The following PSMA6 variants were observed in gnomAD, a reference collection of about 807,000 sequenced individuals.
PSMA6 encodes proteasome 20S subunit alpha 6.
For missense variants in PSMA6, 170 were observed against 294.8 expected (o/e 0.58, Z 3.10); for synonymous variants, 88 against 97.7 (o/e 0.90, Z 0.59).
At chr14:35,298,493 A>G (rs2051643347) in intron 1 of PSMA6, among the ~76,000 whole-genome samples, 1 of 151,966 alleles carries the variant, frequency 6.6e-6, no homozygotes, top group African/African-American at 2.4e-5. Flanking sequence ...CCATCTCAAA[A>G]AAAGAAAAAA....
chr14:35,282,185 A>G (rs2051372379), intron 1 of PSMA6, among the ~76,000 whole-genome samples: 1 of 152,206 alleles, frequency 6.6e-6, no homozygotes, highest in South Asian at 2.1e-4. Context: ...AATTGACAAT[A>G]ATGAAATTGG....
At chr14:35,292,233 C>T, upstream of PSMA6, 1 of 1,203,912 alleles carries the variant, frequency 8.3e-7, no homozygotes, top group South Asian at 2.0e-5. Flanking sequence ...ACTCAAGAGG[C>T]CTGCTTGGCG....
upstream of PSMA6, among the ~76,000 whole-genome samples, chr14:35,291,844 A>T (rs2051487310): frequency 6.6e-6 from 1 of 151,156 alleles, no homozygotes; most frequent in Non-Finnish European, 1.5e-5. Flanking sequence ...AAAAAAAAAA[A>T]AAAGACTAAA....
At chr14:35,278,751 T>C (rs187261885) in intron 1 of PSMA6, 1 of 1,529,854 alleles carries the variant, frequency 6.5e-7, no homozygotes, top group Non-Finnish European at 8.7e-7. Flanking sequence ...TTGCTTGAGA[T>C]GTACTATATT....
At chr14:35,295,838 A>G (rs1290890477) in intron 1 of PSMA6, among the ~76,000 whole-genome samples, 1 of 152,194 alleles carries the variant, frequency 6.6e-6, no homozygotes, top group Non-Finnish European at 1.5e-5. Flanking sequence ...CTAGCTTTGT[A>G]ATCTATTTTC....
rs1020839939 is a variant in PSMA6, at chr14:35,312,975, G to C, written c.504G>C (p.Ala168=). The change falls in exon 5 of 7, where the codon GCG becomes GCC. Residue 168 remains alanine (A), a synonymous_variant. Coordinates refer to ENST00000261479, the MANE Select transcript of PSMA6 (RefSeq NM_002791.3). ...GYYCGFKATA[A]GVKQTESTSF... The stretch of plus-strand genomic sequence containing the variant: ...ACTGTGGGTTTAAAGCCACTGCAGC[G>C]GGAGTTAAACAAACTGAGTCAACCA... 6.3e-7 allele frequency: 1 copy of C among 1,583,216 alleles called. No homozygotes were observed. Among genetic ancestry groups the C allele is most frequent in the East Asian group, 2.3e-5 (1 of 43,822 alleles).
intron 4 of PSMA6, among the ~76,000 whole-genome samples, chr14:35,312,572 G>T (rs993125882): frequency 6.6e-6 from 1 of 151,192 alleles, no homozygotes; most frequent in African/African-American, 2.4e-5. Flanking sequence ...CATCTTGAAG[G>T]ATTAGGGTTC....
At chr14:35,314,663 C>T in intron 6 of PSMA6, 1 of 461,684 alleles carries the variant, frequency 2.2e-6, no homozygotes, top group Non-Finnish European at 3.3e-6. Context: ...CTCCTTATTT[C>T]AGAGTGATTT....
At position 35,317,375 on chromosome 14, in the gene PSMA6, C is replaced by T; in HGVS notation, c.*69C>T. ...GTGTTTGGTAACAACAAACCAACAT[C>T]ATGGAGGTCCCTGGATTGAAAAAGG... On this transcript the variant is annotated 3_prime_UTR_variant, in exon 7 of 7. Coordinates refer to ENST00000261479, the MANE Select transcript of PSMA6 (RefSeq NM_002791.3). The T allele has an allele frequency of 7.3e-7, 1 of 1,371,122 alleles. No individual in the cohort carries two copies. The highest frequency in any genetic ancestry group is 1.0e-6 in the Non-Finnish European group (1 of 962,788). 84.9% of individuals were successfully genotyped at this position (1,371,122 alleles called of 1,614,324 possible).
At chr14:35,285,803 T>C (rs1463969106) in intron 1 of PSMA6, among the ~76,000 whole-genome samples, 3 of 152,190 alleles carry the variant, frequency 2.0e-5, no homozygotes, top group African/African-American at 4.8e-5. Context: ...CATGAAATAA[T>C]TGATCTTGCA....
chr14:35,292,310 G>A (rs2051496408), upstream of PSMA6: 2 of 1,445,836 alleles, frequency 1.4e-6, no homozygotes, highest in East Asian at 2.6e-5. Context: ...GGGCCTCAGA[G>A]CTCAGTGCTC....
intron 1 of PSMA6, among the ~76,000 whole-genome samples, chr14:35,301,866 C>T (rs148810765): frequency 1.7e-4 from 26 of 152,248 alleles, no homozygotes; most frequent in African/African-American, 6.0e-4. Flanking sequence ...GGATGACAGA[C>T]ACAAATGCTT....
chr14:35,305,742 T>C (rs2051811141), intron 1 of PSMA6, among the ~76,000 whole-genome samples: 1 of 152,230 alleles, frequency 6.6e-6, no homozygotes, highest in African/African-American at 2.4e-5. Context: ...AAAGTTATCT[T>C]CTGTGTTTTC....
chr14:35,297,785 T>TGTGA (rs2051627633), intron 1 of PSMA6, among the ~76,000 whole-genome samples: 1 of 152,204 alleles, frequency 6.6e-6, no homozygotes, highest in Non-Finnish European at 1.5e-5. Context: ...TGTGAGCCAT[T>TGTGA]GTCTTGCATC....
intron 6 of PSMA6, 148 bp from the exon 7 acceptor site, chr14:35,317,101 T>C (rs2052057896): frequency 3.3e-6 from 2 of 614,008 alleles, no homozygotes; most frequent in South Asian, 4.1e-5. Flanking sequence ...TAAGTGTGTG[T>C]ATAGATTTTT....
chr14:35,298,893 C>G (rs1421047871), intron 1 of PSMA6, among the ~76,000 whole-genome samples: 1 of 151,936 alleles, frequency 6.6e-6, no homozygotes, highest in South Asian at 2.1e-4. Flanking sequence ...ACCACCATAC[C>G]TGGCTAATTT....
chr14:35,310,416 A>G, intron 3 of PSMA6: 1 of 352,692 alleles, frequency 2.8e-6, no homozygotes, highest in Admixed American at 4.2e-5. Flanking sequence ...TTGGCCTCCC[A>G]AAGTGTTGAG....
rs755656730 is a variant in PSMA6 at position 35,292,424 on chromosome 14, G to A, written c.-53G>A. 554 of 1,586,284 alleles carry A rather than the reference G, an allele frequency of 3.5e-4. No individual in the cohort carries two copies. Among genetic ancestry groups the A allele is most frequent in the Non-Finnish European group, 4.4e-4 (514 of 1,166,774 alleles). On this transcript the variant is annotated 5_prime_UTR_variant, in exon 1 of 7. The change creates a new upstream start codon in the 5' untranslated region. Transcript: ENST00000261479. ...CTTCCGGGAGGTGCTTGTGTGCCTGGTGCGGGAGCTACGGGGCCCAGGGAT... is the reference window on the plus strand; with the variant it reads ...CTTCCGGGAGGTGCTTGTGTGCCTGATGCGGGAGCTACGGGGCCCAGGGAT...
chr14:35,300,940 T>C (rs1373794149), intron 1 of PSMA6, among the ~76,000 whole-genome samples: 1 of 152,212 alleles, frequency 6.6e-6, no homozygotes. Flanking sequence ...TTTTTAGACA[T>C]GTCTGTGGCT....
Sources: gnomAD v4.1 joint callset for allele counts (sites outside exome capture counted in the v4.1 genomes callset) on GRCh38, gnomAD v4.1.1 for gene constraint, MANE v1.5 for transcripts, NCBI Gene and HGNC (gene_info 2026-07-23, HGNC 2026-07-21) for gene names.